Variants in NXPE4 observed in about 807,000 individuals in gnomAD.
NXPE4 encodes neurexophilin and PC-esterase domain family member 4.
In NXPE4, 42 loss-of-function variants were observed where a neutral mutation model predicts 33.3. The observed-to-expected ratio is 1.26, with a 90% confidence interval of 0.98 to 1.63. The LOEUF is 1.63. Ranked by LOEUF, NXPE4 falls within the 40% of genes most tolerant of loss-of-function variation. The pLI, the probability that NXPE4 is intolerant of heterozygous loss-of-function variation, is 0.00. For synonymous variants in NXPE4, 253 were observed against 234.9 expected (o/e 1.08, Z -0.71); for missense variants, 709 against 647.6 (o/e 1.09, Z -1.03).
At chr11:114,608,431 TC>T in the NXPE4 span, among the ~76,000 whole-genome samples, 630 of 151,994 alleles carry the variant, frequency 4.1e-3, 6 homozygotes, top group South Asian at 0.014. Flanking sequence ...AAGTGTTGCC[TC>T]GCAGGAAAGC....
the NXPE4 span, among the ~76,000 whole-genome samples, chr11:114,649,880 G>C: frequency 4.7e-3 from 711 of 152,306 alleles, 10 homozygotes; most frequent in African/African-American, 0.016. Context: ...GTTTTACTAA[G>C]GCAGGGATTC....
the NXPE4 span, among the ~76,000 whole-genome samples, chr11:114,617,710 T>C: frequency 2.6e-5 from 4 of 152,306 alleles, no homozygotes; most frequent in African/African-American, 9.6e-5. Context: ...GGGTAACCAC[T>C]GTTACCCAAT....
the NXPE4 span, among the ~76,000 whole-genome samples, chr11:114,630,893 C>G: frequency 1.3e-5 from 2 of 151,748 alleles, no homozygotes; most frequent in African/African-American, 4.8e-5. Flanking sequence ...TAAAAGAAGA[C>G]ATTTATGCAG....
chr11:114,663,674 C>T, the NXPE4 span, among the ~76,000 whole-genome samples: 12 of 126,192 alleles, frequency 9.5e-5, no homozygotes, highest in Admixed American at 8.3e-5. Context: ...TATCATCTAT[C>T]TATTTATCTA....
the NXPE4 span, among the ~76,000 whole-genome samples, chr11:114,633,150 A>G: frequency 1.6e-5 from 2 of 123,994 alleles, no homozygotes; most frequent in African/African-American, 6.4e-5. Flanking sequence ...TATTTTATAT[A>G]TTTGGTATTT....
rs550635251 is a variant in NXPE4 at position 114,580,347 on chromosome 11, G to C, written c.893-9C>G. ...CATTGCAACTGTTTCTTCTGCCAAAGAATCAATGAGATAGGATCTTCCAAA... is the reference window on the plus strand; with the variant it reads ...CATTGCAACTGTTTCTTCTGCCAAACAATCAATGAGATAGGATCTTCCAAA... On this transcript the variant is annotated splice_polypyrimidine_tract_variant and intron_variant, in intron 4 of 5. Coordinates refer to ENST00000375478, the MANE Select transcript of NXPE4 (RefSeq NM_001077639.2). The C allele has an allele frequency of 6.2e-7, 1 of 1,611,290 alleles. No individual in the cohort carries two copies. The highest frequency in any genetic ancestry group is 8.5e-7 in the Non-Finnish European group (1 of 1,177,830).
chr11:114,617,573 C>T, the NXPE4 span, among the ~76,000 whole-genome samples: 6 of 150,650 alleles, frequency 4.0e-5, no homozygotes, highest in African/African-American at 7.3e-5. Flanking sequence ...AGTTGCCTCA[C>T]GGGTAACCGG....
intron 5 of NXPE4, among the ~76,000 whole-genome samples, chr11:114,573,570 T>G (rs2135180756): frequency 6.6e-6 from 1 of 152,180 alleles, no homozygotes. Flanking sequence ...GTAGCAATTC[T>G]TATATCAGAC....
the NXPE4 span, among the ~76,000 whole-genome samples, chr11:114,624,798 C>T: frequency 0.02 from 3,016 of 151,578 alleles, 51 homozygotes; most frequent in Non-Finnish European, 0.033. Context: ...CACTGTTACC[C>T]GGTGGATAGT....
intron 2 of NXPE4, chr11:114,584,184 G>T: frequency 3.0e-6 from 1 of 337,458 alleles, no homozygotes; most frequent in Admixed American, 4.0e-5. Flanking sequence ...GTTGCTCAGT[G>T]CCCTGGAAAT....
chr11:114,629,604 C>T, the NXPE4 span, among the ~76,000 whole-genome samples: 3 of 152,024 alleles, frequency 2.0e-5, no homozygotes, highest in African/African-American at 7.2e-5. Flanking sequence ...CCTTTGAAAA[C>T]TGGCACAAGA....
At chr11:114,606,603 A>G in the NXPE4 span, among the ~76,000 whole-genome samples, 1 of 152,000 alleles carries the variant, frequency 6.6e-6, no homozygotes, top group Non-Finnish European at 1.5e-5. Flanking sequence ...GTGGGTAACC[A>G]CTGTTACCTG....
the NXPE4 span, among the ~76,000 whole-genome samples, chr11:114,617,006 G>A: frequency 1.3e-5 from 2 of 151,020 alleles, no homozygotes; most frequent in Non-Finnish European, 2.9e-5. Context: ...ACTGTTACCT[G>A]GTGGATAATA....
the NXPE4 span, among the ~76,000 whole-genome samples, chr11:114,633,600 C>G: frequency 1.3e-5 from 2 of 151,402 alleles, no homozygotes; most frequent in African/African-American, 2.4e-5. Flanking sequence ...TCTCATAATG[C>G]TATCCCTCCC....
the NXPE4 span, among the ~76,000 whole-genome samples, chr11:114,601,884 T>TATATATTATACTTATATATATTATATAA: frequency 6.3e-5 from 1 of 15,796 alleles, no homozygotes; most frequent in Non-Finnish European, 8.5e-5. Flanking sequence ...TTATATATAA[T>TATATATTATACTTATATATATTATATAA]TATATATTAT....
chr11:114,638,878 G>A, the NXPE4 span, among the ~76,000 whole-genome samples: 20 of 151,582 alleles, frequency 1.3e-4, no homozygotes, highest in South Asian at 2.5e-3. Context: ...GCCCCTACTG[G>A]GGGGTGCCTC....
chr11:114,672,679 A>G, the NXPE4 span, among the ~76,000 whole-genome samples: 27,303 of 151,864 alleles, frequency 0.18, 2,777 homozygotes, highest in Non-Finnish European at 0.22. Context: ...TGGACAAAAT[A>G]GACTTTAAAA....
rs139587290 is a variant in NXPE4, at chr11:114,572,614, A to T, written c.1100-1141T>A. On this transcript the variant is annotated intron_variant, in intron 5 of 5. Coordinates refer to ENST00000375478, the MANE Select transcript of NXPE4 (RefSeq NM_001077639.2). ...ATAGAATTGAACAAGCAGAAAAAAGAACCTCAGAGCTAGAAGACAAGGCTT... is the reference window on the plus strand; with the variant it reads ...ATAGAATTGAACAAGCAGAAAAAAGTACCTCAGAGCTAGAAGACAAGGCTT... 2.2e-3 allele frequency among the ~76,000 whole-genome samples: 341 copies of T among 152,304 alleles called. 4 individuals are homozygous for T. Among genetic ancestry groups the T allele is most frequent in the African/African-American group, 8.0e-3 (332 of 41,584 alleles).
upstream of NXPE4, among the ~76,000 whole-genome samples, chr11:114,598,261 A>G (rs1009667710): frequency 3.2e-5 from 1 of 31,424 alleles, no homozygotes; most frequent in Non-Finnish European, 6.8e-5. Flanking sequence ...TGGGCTCCCA[A>G]GGACCTGGGC....
Sources: gnomAD v4.1 joint callset for allele counts (sites outside exome capture counted in the v4.1 genomes callset) on GRCh38, gnomAD v4.1.1 for gene constraint, MANE v1.5 for transcripts, NCBI Gene and HGNC (gene_info 2026-07-23, HGNC 2026-07-21) for gene names.